The following ATOSA variants were observed in gnomAD, a reference collection of about 807,000 sequenced individuals.
ATOSA encodes the protein atos homolog protein A.
chr15:52,659,875 A>G, the ATOSA span, among the ~76,000 whole-genome samples: 9 of 152,214 alleles, frequency 5.9e-5, no homozygotes, highest in South Asian at 2.1e-4. Context: ...AAAATAAAAA[A>G]GTAAAATTCA....
At chr15:52,603,592 A>G in the ATOSA span, among the ~76,000 whole-genome samples, 1 of 24,050 alleles carries the variant, frequency 4.2e-5, no homozygotes, top group Non-Finnish European at 8.3e-5. Context: ...CTAAGTGTCC[A>G]TCAATAGATG....
At chr15:52,638,707 A>G in the ATOSA span, among the ~76,000 whole-genome samples, 6 of 151,758 alleles carry the variant, frequency 4.0e-5, no homozygotes, top group Non-Finnish European at 8.8e-5. Context: ...CCAAAAAAAA[A>G]AAAAAAAAAA....
the ATOSA span, among the ~76,000 whole-genome samples, chr15:52,641,896 T>C: frequency 1.3e-5 from 2 of 152,268 alleles, no homozygotes; most frequent in African/African-American, 2.4e-5. Flanking sequence ...AATGCTAAAG[T>C]AACATTTTAA....
chr15:52,618,559 A>G, the ATOSA span, among the ~76,000 whole-genome samples: 1 of 152,234 alleles, frequency 6.6e-6, no homozygotes, highest in African/African-American at 2.4e-5. Context: ...ATGACTTGTT[A>G]TCCTTATGCC....
chr15:52,639,837 A>G, the ATOSA span, among the ~76,000 whole-genome samples: 1 of 152,064 alleles, frequency 6.6e-6, no homozygotes. Context: ...TGCAACCTCC[A>G]ACTTCTGGGT....
At chr15:52,631,314 ACT>A in the ATOSA span, among the ~76,000 whole-genome samples, 3 of 152,028 alleles carry the variant, frequency 2.0e-5, no homozygotes, top group African/African-American at 7.3e-5. Flanking sequence ...AAAAATAAGC[ACT>A]GTGCTGGATT....
the ATOSA span, among the ~76,000 whole-genome samples, chr15:52,697,126 C>T: frequency 6.6e-6 from 1 of 152,214 alleles, no homozygotes; most frequent in Non-Finnish European, 1.5e-5. Context: ...GTCATTCCTT[C>T]TTTCTCCTAT....
chr15:52,682,156 T>C, the ATOSA span, among the ~76,000 whole-genome samples: 22 of 152,178 alleles, frequency 1.4e-4, no homozygotes, highest in African/African-American at 4.6e-4. Flanking sequence ...GTTGAGAAAT[T>C]GGTGGGTAGC....
At chr15:52,614,421 G>A in the ATOSA span, among the ~76,000 whole-genome samples, 12 of 151,696 alleles carry the variant, frequency 7.9e-5, no homozygotes, top group Admixed American at 3.3e-4. Context: ...TTACATTTTT[G>A]GGTCAGGTGT....
the ATOSA span, among the ~76,000 whole-genome samples, chr15:52,618,013 G>A: frequency 6.8e-6 from 1 of 147,698 alleles, no homozygotes; most frequent in Non-Finnish European, 1.5e-5. Flanking sequence ...CCAAAGCCTG[G>A]CTAAAAACTC....
the ATOSA span, chr15:52,598,730 A>G: frequency 6.6e-6 from 1 of 150,742 alleles, no homozygotes; most frequent in Admixed American, 6.6e-5. Context: ...ATCTTTAACT[A>G]TCTTCCCTGA....
the ATOSA span, among the ~76,000 whole-genome samples, chr15:52,677,397 C>T: frequency 6.6e-6 from 1 of 152,100 alleles, no homozygotes; most frequent in Non-Finnish European, 1.5e-5. Context: ...CCTTGAAAAG[C>T]AGTGTATATA....
chr15:52,610,349 A>G, the ATOSA span: 1 of 1,612,312 alleles, frequency 6.2e-7, no homozygotes, highest in Non-Finnish European at 8.5e-7. Flanking sequence ...GTCTGTGAAA[A>G]ATTCCACTGT....
chr15:52,620,794 C>G, the ATOSA span, among the ~76,000 whole-genome samples: 2 of 151,984 alleles, frequency 1.3e-5, no homozygotes, highest in Non-Finnish European at 2.9e-5. Flanking sequence ...CAAAAATTAG[C>G]CGGTGTGGTG....
the ATOSA span, among the ~76,000 whole-genome samples, chr15:52,674,465 T>C: frequency 1.8e-3 from 280 of 152,330 alleles, 1 homozygote; most frequent in East Asian, 0.025. Context: ...CATTAAATTT[T>C]CCAGCTGCCC....
the ATOSA span, among the ~76,000 whole-genome samples, chr15:52,692,952 A>T: frequency 6.6e-6 from 1 of 152,088 alleles, no homozygotes; most frequent in Non-Finnish European, 1.5e-5. Flanking sequence ...CGCCTGGCAC[A>T]AAACTCTCTT....
At chr15:52,606,604 C>T in the ATOSA span, among the ~76,000 whole-genome samples, 6 of 152,056 alleles carry the variant, frequency 3.9e-5, no homozygotes, top group African/African-American at 1.2e-4. Context: ...AAAAAATGAA[C>T]CTTAGTGGGC....
At chr15:52,673,196 C>T in the ATOSA span, among the ~76,000 whole-genome samples, 1 of 152,186 alleles carries the variant, frequency 6.6e-6, no homozygotes, top group African/African-American at 2.4e-5. Flanking sequence ...TAACCATGAG[C>T]TGAGGTACTA....
At chr15:52,600,640 T>C in the ATOSA span, among the ~76,000 whole-genome samples, 2 of 152,146 alleles carry the variant, frequency 1.3e-5, no homozygotes, top group African/African-American at 4.8e-5. Context: ...TTAGAACATA[T>C]CACATAGTGG....
Sources: gnomAD v4.1 joint callset for allele counts (sites outside exome capture counted in the v4.1 genomes callset) on GRCh38, gnomAD v4.1.1 for gene constraint, MANE v1.5 for transcripts, NCBI Gene and HGNC (gene_info 2026-07-23, HGNC 2026-07-21) for gene names.